The following DOCK2 variants were observed in gnomAD, a reference collection of about 807,000 sequenced individuals.
DOCK2 encodes the protein dedicator of cytokinesis protein 2.
In DOCK2, 87 loss-of-function variants were observed where a neutral mutation model predicts 248.9. The observed-to-expected ratio is 0.35, with a 90% confidence interval of 0.29 to 0.42. The LOEUF is 0.42. Ranked by LOEUF, DOCK2 falls within the 10% of genes least tolerant of loss-of-function variation. The pLI is 1.00. For missense variants in DOCK2, 1,747 were observed against 2,300.2 expected (o/e 0.76, Z 4.92); for synonymous variants, 805 against 821.6 (o/e 0.98, Z 0.35).
chr5:169,904,724 C>T (rs138905257), intron 27 of DOCK2, among the ~76,000 whole-genome samples: 124 of 152,286 alleles, frequency 8.1e-4, no homozygotes, highest in African/African-American at 2.9e-3. Flanking sequence ...CTCAGCTCAG[C>T]GAGCATTAAC....
intron 29 of DOCK2, among the ~76,000 whole-genome samples, chr5:169,992,304 A>G (rs979890316): frequency 1.6e-4 from 25 of 152,232 alleles, no homozygotes; most frequent in African/African-American, 6.0e-4. Flanking sequence ...TCTTCCTCCT[A>G]TACAGCCGCT....
chr5:169,969,393 C>T (rs1320591358), intron 27 of DOCK2, among the ~76,000 whole-genome samples: 9 of 151,950 alleles, frequency 5.9e-5, no homozygotes, highest in Non-Finnish European at 2.9e-5. Context: ...TGCAGTGAGC[C>T]GAGATCACGC....
chr5:169,767,773 A>T (rs1561677350), intron 25 of DOCK2, among the ~76,000 whole-genome samples: 1 of 152,262 alleles, frequency 6.6e-6, no homozygotes, highest in East Asian at 1.9e-4. Flanking sequence ...CTTAATATTT[A>T]TCAAATGCCA....
At chr5:169,746,386 G>A (rs1400895573) in intron 22 of DOCK2, among the ~76,000 whole-genome samples, 1 of 152,178 alleles carries the variant, frequency 6.6e-6, no homozygotes, top group Non-Finnish European at 1.5e-5. Flanking sequence ...GGCCTGCTCT[G>A]TGGTTGAGGA....
chr5:170,080,856 G>T (rs943824948), intron 50 of DOCK2: 1 of 154,148 alleles, frequency 6.5e-6, no homozygotes, highest in African/African-American at 2.4e-5. Context: ...ACTCCATCTG[G>T]TAGGCAGAAG....
At chr5:170,020,061 A>G (rs182612071) in intron 33 of DOCK2, among the ~76,000 whole-genome samples, 70 of 152,140 alleles carry the variant, frequency 4.6e-4, no homozygotes, top group Non-Finnish European at 8.1e-4. Flanking sequence ...TTAATACCCT[A>G]ATCCCCACAG....
intron 1 of DOCK2, among the ~76,000 whole-genome samples, chr5:169,639,949 T>G (rs946013384): frequency 6.6e-6 from 1 of 152,218 alleles, no homozygotes; most frequent in Non-Finnish European, 1.5e-5. Flanking sequence ...AAGTCTAAGA[T>G]CAAAGCACCA....
intron 27 of DOCK2, among the ~76,000 whole-genome samples, chr5:169,898,871 A>G (rs146387792): frequency 1.8e-3 from 271 of 152,358 alleles, no homozygotes; most frequent in South Asian, 6.6e-3. Context: ...TGTGTAAAGC[A>G]GCAAGTCAGA....
rs984052503 is a variant in DOCK2 at position 170,083,136 on chromosome 5, A to G, written c.*278A>G. The stretch of plus-strand genomic sequence containing the variant: ...GCCTTCTCCCAGTGTGCTCTCCCCA[A>G]CATCCTAGGCACAGCTTTCATAACC... On this transcript the variant is annotated 3_prime_UTR_variant, in exon 52 of 52. Transcript: ENST00000520908. 2.3e-6 allele frequency: 1 copy of G among 435,554 alleles called. No individual in the cohort carries two copies. The highest frequency in any genetic ancestry group is 4.1e-6 in the Non-Finnish European group (1 of 241,604). The allele number at this position is 435,554 out of a possible 1,614,324, so 27.0% of individuals were successfully genotyped here. A position where few individuals can be genotyped will look rare whatever the true frequency, so the allele number is the denominator to read the frequency against.
At chr5:169,880,186 A>T (rs554235406) in intron 27 of DOCK2, among the ~76,000 whole-genome samples, 2 of 152,214 alleles carry the variant, frequency 1.3e-5, no homozygotes, top group African/African-American at 2.4e-5. Flanking sequence ...ATTGAGGTGA[A>T]AGGCATTTAT....
rs144600435 is a variant in DOCK2 at position 170,026,481 on chromosome 5, G to T, written c.3382-1382G>T. On this transcript the variant is annotated intron_variant, in intron 33 of 51. Transcript: ENST00000520908. Reference sequence around the variant, plus strand: ...GTAAAGAGGTCAAGTTAGAGGTCAGGACTCCCCAAGTCCTCTTTTGGTCTT... The same window carrying T: ...GTAAAGAGGTCAAGTTAGAGGTCAGTACTCCCCAAGTCCTCTTTTGGTCTT... Among the ~76,000 whole-genome samples the T allele has an allele frequency of 9.3e-3, 1,409 of 152,216 alleles. 18 individuals carry two copies. The highest frequency in any genetic ancestry group is 0.033 in the African/African-American group (1,354 of 41,514).
intron 27 of DOCK2, among the ~76,000 whole-genome samples, chr5:169,937,786 G>T (rs1036165096): frequency 1.3e-5 from 2 of 152,212 alleles, no homozygotes; most frequent in Non-Finnish European, 2.9e-5. Flanking sequence ...GGTCCTCATT[G>T]TCCCTGGACC....
At chr5:169,949,824 T>C (rs150185815) in intron 27 of DOCK2, among the ~76,000 whole-genome samples, 54 of 151,844 alleles carry the variant, frequency 3.6e-4, no homozygotes, top group African/African-American at 1.3e-3. Flanking sequence ...GAATTTTTGA[T>C]AGAAGAGCCA....
chr5:169,896,525 T>A (rs1773618761), intron 27 of DOCK2, among the ~76,000 whole-genome samples: 2 of 152,230 alleles, frequency 1.3e-5, no homozygotes, highest in Non-Finnish European at 2.9e-5. Context: ...ATAATATTAC[T>A]TAAGAAGCTG....
At chr5:169,885,956 C>G (rs1305170908) in intron 27 of DOCK2, among the ~76,000 whole-genome samples, 1 of 152,110 alleles carries the variant, frequency 6.6e-6, no homozygotes, top group Non-Finnish European at 1.5e-5. Flanking sequence ...AGTAGAGGAG[C>G]TAGAATTTGA....
intron 26 of DOCK2, among the ~76,000 whole-genome samples, chr5:169,836,679 A>G (rs1162434788): frequency 2.7e-5 from 4 of 146,840 alleles, no homozygotes; most frequent in African/African-American, 9.7e-5. Flanking sequence ...CAATGTCATT[A>G]AGTTCTAAGT....
chr5:170,080,114 A>G (rs1757975042), intron 49 of DOCK2, 49 bp from the exon 50 acceptor site: 1 of 1,606,822 alleles, frequency 6.2e-7, no homozygotes, highest in South Asian at 1.1e-5. Context: ...GCCTCATGCT[A>G]AGCCTCTGTC....
rs1378318206 is a variant in DOCK2, at chr5:169,803,103, A to T, written c.2600A>T (p.Glu867Val). The change falls in exon 26 of 52, where the codon GAG (glutamate) becomes GTG (valine). Residue 867 changes from glutamate (E) to valine (V), a missense_variant. Around this residue, in one of 4 missense-constraint regions of DOCK2, gnomAD observed 858 missense variants for 1,183.5 expected, o/e 0.72. Coordinates refer to ENST00000520908, the MANE Select transcript of DOCK2 (RefSeq NM_004946.3). ...CCTGTCATCACCAAAGAGCTGAAGGAGCTGCTGGAGCAGAAGGATGACATG... is the reference window on the plus strand; with the variant it reads ...CCTGTCATCACCAAAGAGCTGAAGGTGCTGCTGGAGCAGAAGGATGACATG... ...LLPVITKELKELLEQKDDMQH... is the reference protein window; with the variant it reads ...LLPVITKELKVLLEQKDDMQH... 6.2e-7 allele frequency: 1 copy of T among 1,614,206 alleles called. No homozygotes were observed. The highest frequency in any genetic ancestry group is 8.5e-7 in the Non-Finnish European group (1 of 1,180,024).
At chr5:169,755,628 C>G (rs551456967) in intron 23 of DOCK2, among the ~76,000 whole-genome samples, 3 of 152,094 alleles carry the variant, frequency 2.0e-5, no homozygotes, top group Admixed American at 6.6e-5. Context: ...CCTATAATCC[C>G]AGCTACTCCT....
Sources: gnomAD v4.1 joint callset for allele counts (sites outside exome capture counted in the v4.1 genomes callset) on GRCh38, gnomAD v4.1.1 for gene constraint, gnomAD v4.1.1 regional missense constraint, MANE v1.5 for transcripts, NCBI Gene and HGNC (gene_info 2026-07-23, HGNC 2026-07-21) for gene names.